The following ZNF85 variants were observed in gnomAD, a reference collection of about 807,000 sequenced individuals.
ZNF85 encodes zinc finger protein 85, also known as zinc finger protein 85 (HPF4, HTF1).
Under a neutral mutation model 53.9 loss-of-function variants are expected in ZNF85, and 50 were observed. The ratio of observed to expected loss-of-function variants is 0.93; its 90% confidence interval spans 0.74 to 1.17. The LOEUF (loss-of-function observed/expected upper bound fraction) is 1.17, where lower values mean the gene tolerates loss of function less well. Ranked by LOEUF, ZNF85 falls within the 50% of genes most tolerant of loss-of-function variation. The probability of loss-of-function intolerance (pLI) is 0.00; values close to 1 mark genes in which losing one functional copy is unlikely to be tolerated. For synonymous variants in ZNF85, 225 were observed against 226.1 expected (o/e 1.00, Z 0.04); for missense variants, 747 against 688.5 (o/e 1.08, Z -0.95).
At chr19:20,926,859 T>G (rs1011160310) in intron 1 of ZNF85, 14 of 151,810 alleles carry the variant, frequency 9.2e-5, no homozygotes, top group Non-Finnish European at 1.9e-4. Flanking sequence ...AAAAAAAAAA[T>G]TGAATTCCAA....
chr19:20,939,548 C>G (rs1244894849), intron 3 of ZNF85, among the ~76,000 whole-genome samples: 2 of 151,598 alleles, frequency 1.3e-5, no homozygotes, highest in Non-Finnish European at 2.9e-5. Flanking sequence ...CCACCACTCC[C>G]AGGTAGTGTA....
chr19:20,950,113 T>C lies in ZNF85; in HGVS notation c.1599T>C (p.Thr533=), dbSNP rs1209492839. 1.2e-6 allele frequency: 2 copies of C among 1,613,502 alleles called. No homozygotes were observed. The highest frequency in any genetic ancestry group is 8.5e-7 in the Non-Finnish European group (1 of 1,179,854). Residue 533 remains threonine, a synonymous_variant, in exon 4 of 4, where the codon ACT becomes ACC. Transcript: ENST00000328178. ...TTACCAAACATAAGAAAATTCATACTGGAGAGAAACCCTACACATGTGAAG... is the reference window on the plus strand; with the variant it reads ...TTACCAAACATAAGAAAATTCATACCGGAGAGAAACCCTACACATGTGAAG... ...SKLTKHKKIH[T]GEKPYTCEEC...
At chr19:20,932,722 G>C (rs1377782387) in intron 1 of ZNF85, among the ~76,000 whole-genome samples, 1 of 152,106 alleles carries the variant, frequency 6.6e-6, no homozygotes, top group Non-Finnish European at 1.5e-5. Flanking sequence ...GCTCTCTAGG[G>C]TGCTAAAGAA....
intron 1 of ZNF85, chr19:20,926,725 A>C (rs533566968): frequency 6.6e-6 from 1 of 152,304 alleles, no homozygotes; most frequent in South Asian, 2.1e-4. Flanking sequence ...CTGGGGCCCC[A>C]CAGGCAGATG....
intron 3 of ZNF85, chr19:20,943,964 T>C: frequency 3.7e-6 from 1 of 270,618 alleles, no homozygotes; most frequent in Non-Finnish European, 5.7e-6. Flanking sequence ...TAAAAAGTTT[T>C]TCCATTCTGT....
At chr19:20,942,773 T>C (rs1160894430) in intron 3 of ZNF85, 1 of 696,780 alleles carries the variant, frequency 1.4e-6, no homozygotes, top group Non-Finnish European at 2.6e-6. Context: ...ATTTATTTGT[T>C]GTTGTTGTCA....
At chr19:20,923,601 T>C (rs1217970910) in intron 1 of ZNF85, among the ~76,000 whole-genome samples, 198 bp downstream of exon 1, 1 of 152,110 alleles carries the variant, frequency 6.6e-6, no homozygotes, top group Non-Finnish European at 1.5e-5. Flanking sequence ...TCCTGTCTCT[T>C]CCCTGCGCAG....
At chr19:20,946,269 TTTG>T (rs1274803094) in intron 3 of ZNF85, 6 of 383,654 alleles carry the variant, frequency 1.6e-5, no homozygotes, top group Admixed American at 3.8e-5. Context: ...TTCTAAAAAA[TTTG>T]TTAAGACTTC....
intron 3 of ZNF85, among the ~76,000 whole-genome samples, chr19:20,939,485 C>T (rs1176025501): frequency 2.6e-5 from 4 of 152,106 alleles, no homozygotes; most frequent in Non-Finnish European, 5.9e-5. Flanking sequence ...GGACTCCTGA[C>T]CTAGTGACCC....
At chr19:20,941,332 A>G (rs1403036699) in intron 3 of ZNF85, among the ~76,000 whole-genome samples, 1 of 151,972 alleles carries the variant, frequency 6.6e-6, no homozygotes, top group Non-Finnish European at 1.5e-5. Context: ...AGTAGCATGA[A>G]CTGAGCTCAC....
intron 2 of ZNF85, 147 bp downstream of exon 2, chr19:20,934,297 A>G: frequency 1.7e-6 from 2 of 1,161,250 alleles, no homozygotes. Flanking sequence ...TAATACATGT[A>G]GAAAAGAATT....
chr19:20,943,104 A>G lies in ZNF85; in HGVS notation c.230-5640A>G, dbSNP rs774588733. 93 of 408,204 alleles carry G rather than the reference A, an allele frequency of 2.3e-4. 1 individual carries two copies. Among genetic ancestry groups the G allele is most frequent in the South Asian group, 8.2e-5 (1 of 12,226 alleles). The allele number at this position is 408,204 out of a possible 1,614,324, so 25.3% of individuals were successfully genotyped here. On this transcript the variant is annotated intron_variant, in intron 3 of 3. Coordinates refer to ENST00000328178, the MANE Select transcript of ZNF85 (RefSeq NM_003429.5). ...ATTCTTAAATTTAATAAGATTTGTTATGTGTCCTAACAGAATACACAAGGT... is the reference window on the plus strand; with the variant it reads ...ATTCTTAAATTTAATAAGATTTGTTGTGTGTCCTAACAGAATACACAAGGT...
Position 20,950,150 on chromosome 19 carries a change from G to T in ZNF85, c.1636G>T (p.Ala546Ser). The T allele has an allele frequency of 6.2e-7, 1 of 1,613,694 alleles. No individual in the cohort carries two copies. The highest frequency in any genetic ancestry group is 1.3e-5 in the African/African-American group (1 of 75,016). The change falls in exon 4 of 4, where the codon GCC becomes TCC. Residue 546 changes from alanine to serine, a missense_variant. Coordinates refer to ENST00000328178, the MANE Select transcript of ZNF85 (RefSeq NM_003429.5). ...KPYTCEECGK[A>S]FNQSSNLTKH... is the part of the protein sequence containing the mutation. ...CTACACATGTGAAGAATGTGGCAAA[G>T]CCTTTAACCAGTCCTCAAACCTTAC...
chr19:20,943,180 C>T (rs1416010052), intron 3 of ZNF85: 2 of 266,322 alleles, frequency 7.5e-6, no homozygotes, highest in Non-Finnish European at 1.4e-5. Flanking sequence ...AAGTTTTGTA[C>T]ATGTCTGTTA....
chr19:20,935,865 A>T (rs576235746), intron 3 of ZNF85, among the ~76,000 whole-genome samples: 3 of 152,190 alleles, frequency 2.0e-5, no homozygotes, highest in African/African-American at 7.2e-5. Flanking sequence ...TAGAATTTTG[A>T]TAGGGAGTTT....
At position 20,933,180 on chromosome 19, in the gene ZNF85, G is replaced by A. The variant is rs1461569277; in HGVS notation, c.4-844G>A. ...TGCACTCCAGCCTGGGCAGCAGAGC[G>A]AGACTCCGTCTCAAAAAAAAAAAAA... is the stretch of plus-strand genomic sequence containing the variant. On this transcript the variant is annotated intron_variant, in intron 1 of 3. Coordinates refer to ENST00000328178, the MANE Select transcript of ZNF85 (RefSeq NM_003429.5). Among the ~76,000 whole-genome samples, 15 of 140,010 alleles carry A rather than the reference G, an allele frequency of 1.1e-4. 1 individual carries two copies. The highest frequency in any genetic ancestry group is 3.7e-4 in the African/African-American group (14 of 37,740). The allele number at this position is 140,010 out of a possible 152,430, so 91.9% of individuals were successfully genotyped here. A position where few individuals can be genotyped will look rare whatever the true frequency, so the allele number is the denominator to read the frequency against.
At chr19:20,942,878 T>G (rs1051914054) in intron 3 of ZNF85, 5 of 693,438 alleles carry the variant, frequency 7.2e-6, no homozygotes, top group African/African-American at 7.0e-5. Flanking sequence ...TGGGGTCAAG[T>G]GATTGTTCCA....
chr19:20,949,031 C>A lies in ZNF85; in HGVS notation c.517C>A (p.Pro173Thr), dbSNP rs772399690. Residue 173 changes from proline (P) to threonine (T), a missense_variant, in exon 4 of 4, where the codon CCT becomes ACT. Pro to Thr is a conservative substitution (Grantham distance 38, BLOSUM62 -1). Coordinates refer to ENST00000328178, the MANE Select transcript of ZNF85 (RefSeq NM_003429.5). Reference sequence around the variant, plus strand: ...TGAGATAAGACATACTAAAAAGAAACCTTTCAAATGTACAAAATGTGGCAA... The same window carrying A: ...TGAGATAAGACATACTAAAAAGAAAACTTTCAAATGTACAAAATGTGGCAA... ...RHEIRHTKKK[P>T]FKCTKCGKSF... The A allele has an allele frequency of 6.2e-7, 1 of 1,613,782 alleles. No homozygotes were observed. Among genetic ancestry groups the A allele is most frequent in the East Asian group, 2.2e-5 (1 of 44,854 alleles).
chr19:20,944,827 A>G (rs1341686869), intron 3 of ZNF85, among the ~76,000 whole-genome samples: 1 of 152,092 alleles, frequency 6.6e-6, no homozygotes, highest in Non-Finnish European at 1.5e-5. Flanking sequence ...GAAAATATTT[A>G]ACTCTGCAAT....
Sources: allele counts gnomAD v4.1 joint callset (sites outside exome capture counted in the v4.1 genomes callset), GRCh38; gene constraint gnomAD v4.1.1; transcripts MANE v1.5; gene names NCBI Gene and HGNC (gene_info 2026-07-23, HGNC 2026-07-21).